Variants in SLC10A7 observed in about 807,000 individuals in gnomAD.
SLC10A7 encodes the protein solute carrier family 10 member 7.
Under a neutral mutation model 43.2 loss-of-function variants are expected in SLC10A7, and 29 were observed. The observed-to-expected ratio is 0.67, with a 90% CI of 0.50 to 0.92. The LOEUF (loss-of-function observed/expected upper bound fraction) is 0.92, where lower values mean the gene tolerates loss of function less well. Among genes scored for constraint, SLC10A7 ranks in the 40% least tolerant of loss-of-function variants. The probability of loss-of-function intolerance (pLI) is 0.00; values close to 1 mark genes in which losing one functional copy is unlikely to be tolerated. For synonymous variants in SLC10A7, 152 were observed against 144.8 expected (o/e 1.05, Z -0.35); for missense variants, 295 against 403.2 (o/e 0.73, Z 2.30).
chr4:146,399,787 G>A (rs1382855726), intron 5 of SLC10A7, among the ~76,000 whole-genome samples: 2 of 152,072 alleles, frequency 1.3e-5, no homozygotes, highest in African/African-American at 4.8e-5. Context: ...AGGATGGTGA[G>A]ATCAAGACTT....
chr4:146,280,995 A>G (rs1489145454), intron 10 of SLC10A7, among the ~76,000 whole-genome samples: 1 of 152,230 alleles, frequency 6.6e-6, no homozygotes, highest in Non-Finnish European at 1.5e-5. Context: ...GCTAAGGATT[A>G]CATAGATATT....
At chr4:146,436,636 G>C (rs925855974) in intron 5 of SLC10A7, among the ~76,000 whole-genome samples, 1 of 151,932 alleles carries the variant, frequency 6.6e-6, no homozygotes, top group African/African-American at 2.4e-5. Flanking sequence ...ATGACTCAAA[G>C]GACATGTGCA....
chr4:146,330,821 C>G (rs924136551), intron 5 of SLC10A7, among the ~76,000 whole-genome samples: 3 of 152,004 alleles, frequency 2.0e-5, no homozygotes, highest in African/African-American at 7.2e-5. Flanking sequence ...GAGAAGACAC[C>G]CTTGCTCTTC....
intron 3 of SLC10A7, 93 bp from the exon 4 acceptor site, chr4:146,504,017 G>A (rs1189878205): frequency 1.1e-5 from 11 of 1,031,112 alleles, no homozygotes; most frequent in Non-Finnish European, 1.5e-5. Flanking sequence ...CTGAGCAAAT[G>A]AATATAAGGG....
intron 5 of SLC10A7, among the ~76,000 whole-genome samples, chr4:146,368,414 G>C (rs1440262202): frequency 2.0e-5 from 3 of 152,182 alleles, no homozygotes; most frequent in African/African-American, 7.2e-5. Context: ...CTGTTACATA[G>C]CTTTTCTTAA....
At chr4:146,430,113 G>T (rs1729663245) in intron 5 of SLC10A7, among the ~76,000 whole-genome samples, 1 of 149,980 alleles carries the variant, frequency 6.7e-6, no homozygotes, top group South Asian at 2.1e-4. Flanking sequence ...AAATGCCTGA[G>T]CCATAAAAGA....
intron 5 of SLC10A7, among the ~76,000 whole-genome samples, chr4:146,403,409 T>A (rs779774652): frequency 2.6e-5 from 4 of 152,160 alleles, no homozygotes; most frequent in African/African-American, 9.6e-5. Flanking sequence ...TTTCTCCCAC[T>A]GAAAGTCCCA....
intron 4 of SLC10A7, among the ~76,000 whole-genome samples, chr4:146,466,022 G>C (rs1732993594): frequency 1.3e-5 from 2 of 152,110 alleles, no homozygotes; most frequent in South Asian, 4.2e-4. Flanking sequence ...TCTTAAAGTT[G>C]AAAGAAGTTT....
intron 4 of SLC10A7, among the ~76,000 whole-genome samples, chr4:146,484,706 T>G (rs1257169181): frequency 1.3e-5 from 2 of 152,266 alleles, no homozygotes; most frequent in East Asian, 3.9e-4. Context: ...AAGTATTGAT[T>G]TTTTTAAATA....
chr4:146,478,949 G>T (rs1734245046), intron 4 of SLC10A7, among the ~76,000 whole-genome samples: 1 of 151,992 alleles, frequency 6.6e-6, no homozygotes, highest in Admixed American at 6.6e-5. Context: ...ATCATTTTAG[G>T]CATTAATGTT....
chr4:146,260,306 T>C (rs1728143004), intron 10 of SLC10A7, among the ~76,000 whole-genome samples: 1 of 152,222 alleles, frequency 6.6e-6, no homozygotes, highest in South Asian at 2.1e-4. Flanking sequence ...ACTCCTCCTG[T>C]TTCCAAGAAA....
At chr4:146,483,752 T>C (rs1482227445) in intron 4 of SLC10A7, among the ~76,000 whole-genome samples, 1 of 151,974 alleles carries the variant, frequency 6.6e-6, no homozygotes, top group African/African-American at 2.4e-5. Flanking sequence ...TAAGAAGACA[T>C]ATAAGCTGAA....
intron 6 of SLC10A7, among the ~76,000 whole-genome samples, chr4:146,314,429 G>T (rs2149692167): frequency 6.6e-6 from 1 of 152,228 alleles, no homozygotes; most frequent in East Asian, 1.9e-4. Flanking sequence ...GTATACACAT[G>T]CATATGTGTA....
chr4:146,260,046 TG>T (rs1220629408), intron 10 of SLC10A7, among the ~76,000 whole-genome samples: 1 of 152,240 alleles, frequency 6.6e-6, no homozygotes, highest in East Asian at 1.9e-4. Context: ...ATGTGTTTCA[TG>T]GTTACTTTCT....
At chr4:146,395,816 GTCACC>G (rs1235419576) in intron 5 of SLC10A7, among the ~76,000 whole-genome samples, 1 of 152,002 alleles carries the variant, frequency 6.6e-6, no homozygotes, top group Non-Finnish European at 1.5e-5. Context: ...TATCCCCCAA[GTCACC>G]TCTGTACATA....
intron 5 of SLC10A7, among the ~76,000 whole-genome samples, chr4:146,388,731 C>A (rs996562908): frequency 6.6e-6 from 1 of 150,390 alleles, no homozygotes; most frequent in Non-Finnish European, 1.5e-5. Flanking sequence ...TGCACTCCAG[C>A]CTGGTTGACA....
chr4:146,485,111 T>C (rs1734799368), intron 4 of SLC10A7, among the ~76,000 whole-genome samples: 4 of 152,206 alleles, frequency 2.6e-5, no homozygotes, highest in Admixed American at 1.3e-4. Context: ...CAGTAAAACT[T>C]AGGATAACCA....
chr4:146,512,750 C>T (rs1248824938), intron 2 of SLC10A7, among the ~76,000 whole-genome samples: 41 of 152,144 alleles, frequency 2.7e-4, no homozygotes. Flanking sequence ...CTAGCAATTC[C>T]ACTTCCAGGA....
intron 4 of SLC10A7, among the ~76,000 whole-genome samples, chr4:146,489,817 A>G (rs1735233670): frequency 6.6e-6 from 1 of 152,182 alleles, no homozygotes; most frequent in African/African-American, 2.4e-5. Flanking sequence ...TCCTCTATTT[A>G]GCAAACAAGC....
Sources: gnomAD v4.1 joint callset for allele counts (sites outside exome capture counted in the v4.1 genomes callset) on GRCh38, gnomAD v4.1.1 for gene constraint, MANE v1.5 for transcripts, NCBI Gene and HGNC (gene_info 2026-07-23, HGNC 2026-07-21) for gene names.